PLCE1: variants seen among roughly 807,000 people sequenced by gnomAD.
PLCE1 encodes 1-phosphatidylinositol 4,5-bisphosphate phosphodiesterase epsilon-1.
In PLCE1, 119 loss-of-function variants were observed where a neutral mutation model predicts 242.8. That is an observed-to-expected ratio of 0.49 (90% CI 0.42 to 0.57). The LOEUF is 0.57. Ranked by LOEUF, PLCE1 falls within the 20% of genes least tolerant of loss-of-function variation. The pLI is 0.00. For synonymous variants in PLCE1, 945 were observed against 1,017.4 expected, an observed-to-expected ratio of 0.93 and a Z score of 1.35; for missense variants, 2,441 against 2,788.8, an observed-to-expected ratio of 0.88 and a Z score of 2.81.
intron 2 of PLCE1, among the ~76,000 whole-genome samples, chr10:94,045,538 T>C (rs921917156): frequency 2.6e-5 from 4 of 152,240 alleles, no homozygotes; most frequent in African/African-American, 4.8e-5. Context: ...TAGCTAATGA[T>C]GGAAGATCCA....
At chr10:94,090,199 C>T (rs977007503) in intron 2 of PLCE1, among the ~76,000 whole-genome samples, 5 of 151,910 alleles carry the variant, frequency 3.3e-5, no homozygotes, top group Non-Finnish European at 7.4e-5. Context: ...TAAAAATAAC[C>T]CAGAATAAAA....
intron 2 of PLCE1, among the ~76,000 whole-genome samples, chr10:94,069,561 C>T (rs1177151912): frequency 4.6e-5 from 7 of 152,128 alleles, no homozygotes; most frequent in South Asian, 2.1e-4. Context: ...TGCAGTGAGC[C>T]GAGAACACAC....
chr10:94,183,618 G>A (rs1013488901), intron 4 of PLCE1, among the ~76,000 whole-genome samples: 1 of 152,126 alleles, frequency 6.6e-6, no homozygotes, highest in Non-Finnish European at 1.5e-5. Context: ...AACTGTACTA[G>A]GCTATTCTTG....
intron 1 of PLCE1, among the ~76,000 whole-genome samples, chr10:94,025,834 C>T (rs1345710542): frequency 6.6e-6 from 1 of 152,186 alleles, no homozygotes; most frequent in East Asian, 1.9e-4. Context: ...AGTTTTCTTG[C>T]TCTAACCATG....
At chr10:94,087,387 T>C (rs1349393402) in intron 2 of PLCE1, among the ~76,000 whole-genome samples, 1 of 149,078 alleles carries the variant, frequency 6.7e-6, no homozygotes, top group Non-Finnish European at 1.5e-5. Flanking sequence ...TCATTTATCA[T>C]AGAAAATGTA....
chr10:94,244,397 G>C (rs2050608337), intron 7 of PLCE1, among the ~76,000 whole-genome samples: 1 of 152,132 alleles, frequency 6.6e-6, no homozygotes, highest in African/African-American at 2.4e-5. Context: ...CAGAAACCTT[G>C]ATCTTACTAA....
intron 18 of PLCE1, among the ~76,000 whole-genome samples, chr10:94,271,734 G>A (rs1327247974): frequency 6.6e-6 from 1 of 152,098 alleles, no homozygotes; most frequent in Non-Finnish European, 1.5e-5. Context: ...AATGTATCAG[G>A]GGAACCTGCC....
chr10:94,253,186 AAAG>A (rs1460452362), intron 9 of PLCE1, among the ~76,000 whole-genome samples: 1 of 152,158 alleles, frequency 6.6e-6, no homozygotes, highest in African/African-American at 2.4e-5. Context: ...ATTTATAAAG[AAAG>A]AAGGTTAATT....
Position 94,236,101 on chromosome 10 carries a change from A to T in PLCE1, c.2401A>T (p.Lys801Ter). ...EGNSSRKSSL[K>*]DKSRWQFIIG... The stretch of plus-strand genomic sequence containing the variant: ...AAACAGCTCCAGGAAAAGCTCCTTG[A>T]AGGATAAAAGCCGATGGCAGTAAGT... Residue 801 changes from lysine (K) to a stop codon, truncating the protein, a stop_gained, in exon 7 of 33, where the codon AAG becomes TAG. Coordinates refer to ENST00000371380, the MANE Select transcript of PLCE1 (RefSeq NM_016341.4). LOFTEE classifies it high-confidence loss of function. The T allele has an allele frequency of 1.2e-6, 2 of 1,613,790 alleles. No individual in the cohort carries two copies. Among genetic ancestry groups the T allele is most frequent in the Non-Finnish European group, 1.7e-6 (2 of 1,179,884 alleles).
In PLCE1 at chr10:94,298,523, G is replaced by A; in HGVS notation, c.5312G>A (p.Arg1771Lys). 1 of 1,614,020 alleles carries A rather than the reference G, an allele frequency of 6.2e-7. No homozygotes were observed. The highest frequency in any genetic ancestry group is 1.1e-5 in the South Asian group (1 of 91,066). ...AATGCCGCCAAACGTCTGTGTCGCAGGTATTCTCAGAAACTGACCCAGCAC... is the reference window on the plus strand; with the variant it reads ...AATGCCGCCAAACGTCTGTGTCGCAAGTATTCTCAGAAACTGACCCAGCAC... ...NENAAKRLCR[R>K]YSQKLTQHTA... The change falls in exon 24 of 33, where the codon AGG becomes AAG. Residue 1771 changes from arginine to lysine, a missense_variant. Physicochemically the swap from Arg to Lys is conservative, Grantham distance 26. Transcript: ENST00000371380. This position sits in a 1 kb window ranked among gnomAD's most constrained non-coding sequence, Gnocchi z 5.2.
chr10:94,224,609 G>A (rs1200940012), intron 4 of PLCE1, among the ~76,000 whole-genome samples: 1 of 152,144 alleles, frequency 6.6e-6, no homozygotes, highest in Non-Finnish European at 1.5e-5. Flanking sequence ...ATTTTTATTT[G>A]TGAGAAGTGT....
intron 6 of PLCE1, chr10:94,235,714 T>C: frequency 1.0e-6 from 1 of 983,930 alleles, no homozygotes; most frequent in Non-Finnish European, 1.2e-6. Context: ...GGGATTAAAG[T>C]TGTCTCAGTG....
At chr10:94,023,880 C>A (rs2061416892) in intron 1 of PLCE1, among the ~76,000 whole-genome samples, 1 of 151,982 alleles carries the variant, frequency 6.6e-6, no homozygotes, top group African/African-American at 2.4e-5. Context: ...GTTAAAGGCA[C>A]AAAGGGTTAA....
intron 2 of PLCE1, chr10:94,108,432 A>G (rs2045834649): frequency 6.6e-6 from 1 of 152,142 alleles, no homozygotes; most frequent in Admixed American, 6.5e-5. Flanking sequence ...CTGCTTACTC[A>G]TTTTGCAGCC....
At chr10:94,224,103 C>CGTGT (rs56911704) in intron 4 of PLCE1, among the ~76,000 whole-genome samples, 2 of 150,026 alleles carry the variant, frequency 1.3e-5, no homozygotes, top group East Asian at 2.0e-4. Context: ...GGTGTGTGTG[C>CGTGT]GTGTGTGTGT....
chr10:94,281,514 G>A (rs145280993), intron 20 of PLCE1, among the ~76,000 whole-genome samples: 1 of 152,230 alleles, frequency 6.6e-6, no homozygotes, highest in Admixed American at 6.5e-5. Context: ...TAAGATAGTT[G>A]CATGTATTTT....
chr10:94,205,121 C>G (rs1448380225), intron 4 of PLCE1, among the ~76,000 whole-genome samples: 1 of 152,148 alleles, frequency 6.6e-6, no homozygotes, highest in Non-Finnish European at 1.5e-5. Context: ...GTATGACATG[C>G]TACAGACAGT....
intron 17 of PLCE1, among the ~76,000 whole-genome samples, chr10:94,269,335 C>G (rs2051637917): frequency 1.3e-5 from 2 of 152,120 alleles, no homozygotes; most frequent in South Asian, 4.2e-4. Context: ...CTCCTGACCT[C>G]AAGTGCTCCG....
In PLCE1 at chr10:94,227,410, G is replaced by A; in HGVS notation, c.1914G>A (p.Met638Ile). The A allele has an allele frequency of 6.2e-7, 1 of 1,614,024 alleles. No individual in the cohort carries two copies. The highest frequency in any genetic ancestry group is 8.5e-7 in the Non-Finnish European group (1 of 1,179,914). Reference protein sequence around the residue: ...LVHVAKCCWNMGNYNAVMEFL... With the variant: ...LVHVAKCCWNIGNYNAVMEFL... ...ATGTGGCCAAATGCTGCTGGAACAT[G>A]GGCAACTACAACGCTGTCATGGAGT... is the stretch of plus-strand genomic sequence containing the variant. The change falls in exon 5 of 33, where the codon ATG becomes ATA. Residue 638 changes from methionine to isoleucine, a missense_variant. Around this residue, in one of 5 missense-constraint regions of PLCE1, gnomAD observed 733 missense variants for 754.2 expected, o/e 0.97. Transcript: ENST00000371380.
Sources: allele counts gnomAD v4.1 joint callset (sites outside exome capture counted in the v4.1 genomes callset), GRCh38; gene constraint gnomAD v4.1.1; regional missense constraint gnomAD v4.1.1; non-coding constraint Gnocchi (gnomAD v3.1); transcripts MANE v1.5; gene names NCBI Gene and HGNC (gene_info 2026-07-23, HGNC 2026-07-21).